FAM181A: variants seen among roughly 807,000 people sequenced by gnomAD.
FAM181A encodes the protein family with sequence similarity 181 member A.
A neutral mutation model predicts 16.3 loss-of-function variants in FAM181A; 7 were observed. That is an observed-to-expected ratio of 0.43 (90% CI 0.24 to 0.81). FAM181A has a LOEUF of 0.81. Among genes scored for constraint, FAM181A ranks in the 30% least tolerant of loss-of-function variants. The pLI, the probability that FAM181A is intolerant of heterozygous loss-of-function variation, is 0.24. For synonymous variants in FAM181A, 183 were observed against 164.9 expected (o/e 1.11, Z -0.84); for missense variants, 349 against 377.5 (o/e 0.92, Z 0.63).
upstream of FAM181A, chr14:93,925,144 C>A: frequency 1.2e-6 from 1 of 818,918 alleles, no homozygotes; most frequent in Non-Finnish European, 1.9e-6. Flanking sequence ...GGTGGGGAGG[C>A]TTACTACTGG....
chr14:93,925,113 T>A, upstream of FAM181A: 1 of 620,890 alleles, frequency 1.6e-6, no homozygotes. Flanking sequence ...CCAACTCACC[T>A]CCCACGGAGT....
intron 1 of FAM181A, chr14:93,927,729 G>A: frequency 9.5e-7 from 1 of 1,048,296 alleles, no homozygotes; most frequent in Non-Finnish European, 1.2e-6. Flanking sequence ...TCCTCGTGCT[G>A]GGGGCAGGAG....
In FAM181A at chr14:93,928,295, G is replaced by A. The variant is rs139635732; in HGVS notation, c.10G>A (p.Asp4Asn). Reference sequence around the variant, plus strand: ...CAGTGGCCCCCTGGTGATGGCATCCGACAGTGATGTGAAGATGCTGCTGAA... The same window carrying A: ...CAGTGGCCCCCTGGTGATGGCATCCAACAGTGATGTGAAGATGCTGCTGAA... Reference protein sequence around the residue: MASDSDVKMLLNFV... With the variant: MASNSDVKMLLNFV... The change falls in exon 2 of 2, where the codon GAC becomes AAC. Residue 4 changes from aspartate (D) to asparagine (N), a missense_variant. Coordinates refer to ENST00000556222, the MANE Select transcript of FAM181A (RefSeq NM_001207073.2). 36 of 1,613,608 alleles carry A rather than the reference G, an allele frequency of 2.2e-5. 1 individual carries two copies. The highest frequency in any genetic ancestry group is 1.3e-4 in the East Asian group (6 of 44,894).
At chr14:93,927,060 A>ACACACACACACACACACACACACC (rs143090510), upstream of FAM181A, 697 of 154,144 alleles carry the variant, frequency 4.5e-3, 16 homozygotes, top group Non-Finnish European at 6.6e-3. Context: ...ACACACACAC[A>ACACACACACACACACACACACACC]CCCCACCCCC....
upstream of FAM181A, among the ~76,000 whole-genome samples, chr14:93,925,679 G>C (rs925748995): frequency 1.3e-5 from 2 of 151,652 alleles, no homozygotes; most frequent in African/African-American, 4.9e-5. Context: ...GCACGTAGTG[G>C]CCAACAATCT....
rs545618646 is a variant in FAM181A at position 93,920,600 on chromosome 14, T to G, written c.-225+1606T>G. ...GAAAAAAACACATGATCATATAAAT[T>G]GATGCAAAAAATTCATCTGACAAAA... is the stretch of plus-strand genomic sequence containing the variant. On this transcript the variant is annotated intron_variant, in intron 1 of 2. Coordinates refer to the FAM181A transcript ENST00000267594. Among the ~76,000 whole-genome samples the G allele has an allele frequency of 4.2e-4, 64 of 152,332 alleles. No homozygotes were observed. The South Asian group carries it at 0.013, about 31-fold the overall frequency.
upstream of FAM181A, among the ~76,000 whole-genome samples, chr14:93,926,590 G>A (rs1326597945): frequency 6.6e-6 from 1 of 152,218 alleles, no homozygotes; most frequent in Non-Finnish European, 1.5e-5. The surrounding 1 kb of genome is among the most constrained non-coding windows in gnomAD (Gnocchi z 5.2). Flanking sequence ...CGGCTGCGCT[G>A]AATGGGCAAT....
chr14:93,922,118 C>T (rs1213168961), intron 1 of FAM181A: 1 of 152,166 alleles, frequency 6.6e-6, no homozygotes. Flanking sequence ...GCCTCTCTGT[C>T]TTCATCTCTA....
At chr14:93,927,298 C>T (rs563681676), upstream of FAM181A, 1 of 1,036,942 alleles carries the variant, frequency 9.6e-7, no homozygotes, top group Non-Finnish European at 1.2e-6. Context: ...CCTGAGGGGC[C>T]CCCCAGCTCC....
chr14:93,920,723 A>G (rs1177026681), intron 1 of FAM181A, among the ~76,000 whole-genome samples: 1 of 152,194 alleles, frequency 6.6e-6, no homozygotes, highest in African/African-American at 2.4e-5. Flanking sequence ...CCACAGCTAC[A>G]TCATATCCCA....
At position 93,929,257 on chromosome 14, in the gene FAM181A, T is replaced by C. The variant is rs1888063338; in HGVS notation, c.*93T>C. The C allele has an allele frequency of 1.4e-6, 2 of 1,454,932 alleles. No individual in the cohort carries two copies. The highest frequency in any genetic ancestry group is 1.8e-6 in the Non-Finnish European group (2 of 1,100,586). The allele number at this position is 1,454,932 out of a possible 1,614,324, so 90.1% of individuals were successfully genotyped here. A position where few individuals can be genotyped will look rare whatever the true frequency, so the allele number is the denominator to read the frequency against. ...CTGTGAGGAGGTGGCTGGGCCACAG[T>C]GTGGCCTCTTCCGTTTGTGTGCGCA... On this transcript the variant is annotated 3_prime_UTR_variant, in exon 2 of 2. Transcript: ENST00000556222.
In FAM181A at chr14:93,929,169, G is replaced by A. The variant is rs779754681; in HGVS notation, c.*5G>A. ...AATGTCTTTGGCTACCTCTAGCCAC[G>A]CGGAGAGGGCCTCAGCCCCCACCTC... On this transcript the variant is annotated 3_prime_UTR_variant, in exon 2 of 2. Coordinates refer to ENST00000556222, the MANE Select transcript of FAM181A (RefSeq NM_001207073.2). The A allele has an allele frequency of 1.9e-5, 28 of 1,512,540 alleles. No homozygotes were observed. The highest frequency in any genetic ancestry group is 3.6e-4 in the Middle Eastern group (2 of 5,588). The allele number at this position is 1,512,540 out of a possible 1,614,324, so 93.7% of individuals were successfully genotyped here.
intron 1 of FAM181A, among the ~76,000 whole-genome samples, chr14:93,920,293 G>A (rs1035428687): frequency 1.3e-5 from 2 of 152,146 alleles, no homozygotes; most frequent in Admixed American, 1.3e-4. Context: ...GCGTGAACCT[G>A]TAGTCTCAGC....
Position 93,928,912 on chromosome 14 carries a change from T to C in FAM181A, c.627T>C (p.Asn209=). The change falls in exon 2 of 2, where the codon AAT becomes AAC. Residue 209 remains asparagine (N), a synonymous_variant. Coordinates refer to ENST00000556222, the MANE Select transcript of FAM181A (RefSeq NM_001207073.2). ...GGGTCTCCTTGGTGGGCCGCGTCAA[T>C]GCCTGGAGTTGCTGCCCCTTCCAGT... ...MPGVSLVGRV[N]AWSCCPFQYH... The C allele has an allele frequency of 6.2e-7, 1 of 1,614,176 alleles. No homozygotes were observed. Among genetic ancestry groups the C allele is most frequent in the Non-Finnish European group, 8.5e-7 (1 of 1,180,014 alleles).
At position 93,928,920 on chromosome 14, in the gene FAM181A, G is replaced by A; in HGVS notation, c.635G>A (p.Ser212Asn). 6.2e-7 allele frequency: 1 copy of A among 1,614,172 alleles called. No homozygotes were observed. The highest frequency in any genetic ancestry group is 1.7e-5 in the Admixed American group (1 of 60,032). The change falls in exon 2 of 2, where the codon AGT (serine) becomes AAT (asparagine). Residue 212 changes from serine (S) to asparagine (N), a missense_variant. Coordinates refer to ENST00000556222, the MANE Select transcript of FAM181A (RefSeq NM_001207073.2). Reference sequence around the variant, plus strand: ...TTGGTGGGCCGCGTCAATGCCTGGAGTTGCTGCCCCTTCCAGTACCATGGA... The same window carrying A: ...TTGGTGGGCCGCGTCAATGCCTGGAATTGCTGCCCCTTCCAGTACCATGGA... ...VSLVGRVNAWSCCPFQYHGQP... is the reference protein window; with the variant it reads ...VSLVGRVNAWNCCPFQYHGQP...
chr14:93,927,244 G>T, upstream of FAM181A: 3 of 993,730 alleles, frequency 3.0e-6, no homozygotes, highest in Non-Finnish European at 3.6e-6. Flanking sequence ...GGGCGCCGCC[G>T]CCTGATTGGG....
In FAM181A at chr14:93,929,131, C is replaced by T; in HGVS notation, c.846C>T (p.Pro282=). Residue 282 remains proline (P), a synonymous_variant, in exon 2 of 2, where the codon CCC becomes CCT. Transcript: ENST00000556222. Reference sequence around the variant, plus strand: ...CCATCCCCACCAAGCCAGCCGTGCCCCCACCCATCTTCAATGTCTTTGGCT... The same window carrying T: ...CCATCCCCACCAAGCCAGCCGTGCCTCCACCCATCTTCAATGTCTTTGGCT... The part of the protein sequence containing the change: ...LKPIPTKPAV[P]PPIFNVFGYL The T allele has an allele frequency of 6.6e-7, 1 of 1,521,894 alleles. No individual in the cohort carries two copies. Among genetic ancestry groups the T allele is most frequent in the South Asian group, 1.3e-5 (1 of 76,022 alleles). 94.3% of individuals were successfully genotyped at this position (1,521,894 alleles called of 1,614,324 possible).
rs1888057202 is a variant in FAM181A at position 93,929,134 on chromosome 14, A to C, written c.849A>C (p.Pro283=). 1 of 1,520,090 alleles carries C rather than the reference A, an allele frequency of 6.6e-7. No individual in the cohort carries two copies. Among genetic ancestry groups the C allele is most frequent in the Admixed American group, 2.2e-5 (1 of 45,644 alleles). The allele number at this position is 1,520,090 out of a possible 1,614,324, so 94.2% of individuals were successfully genotyped here. A position where few individuals can be genotyped will look rare whatever the true frequency, so the allele number is the denominator to read the frequency against. Residue 283 remains proline (P), a synonymous_variant, in exon 2 of 2, where the codon CCA becomes CCC. Coordinates refer to ENST00000556222, the MANE Select transcript of FAM181A (RefSeq NM_001207073.2). ...TCCCCACCAAGCCAGCCGTGCCCCC[A>C]CCCATCTTCAATGTCTTTGGCTACC... ...KPIPTKPAVP[P]PIFNVFGYL
At position 93,928,952 on chromosome 14, in the gene FAM181A, A is replaced by G. The variant is rs201198470; in HGVS notation, c.667A>G (p.Ile223Val). The G allele has an allele frequency of 1.6e-5, 26 of 1,613,982 alleles. No homozygotes were observed. In the Admixed American group the frequency reaches 3.0e-4, roughly 19 times the overall value. The change falls in exon 2 of 2, where the codon ATC becomes GTC. Residue 223 changes from isoleucine (I) to valine (V), a missense_variant. Physicochemically the swap from Ile to Val is conservative, Grantham distance 29 (BLOSUM62 3). Transcript: ENST00000556222. The part of the protein sequence containing the change: ...CCPFQYHGQP[I>V]YPGPLGALPQ... ...CCCCTTCCAGTACCATGGACAGCCC[A>G]TCTATCCGGGCCCCCTGGGGGCACT...
Sources: gnomAD v4.1 joint callset for allele counts (sites outside exome capture counted in the v4.1 genomes callset) on GRCh38, gnomAD v4.1.1 for gene constraint, Gnocchi (gnomAD v3.1) non-coding constraint, MANE v1.5 for transcripts, NCBI Gene and HGNC (gene_info 2026-07-23, HGNC 2026-07-21) for gene names.